KIF13A: variants seen among roughly 807,000 people sequenced by gnomAD.
KIF13A encodes the protein kinesin family member 13A, also known as kinesin-like protein KIF13A.
A neutral mutation model predicts 212.2 loss-of-function variants in KIF13A; 79 were observed. The observed-to-expected ratio is 0.37, with a 90% confidence interval of 0.31 to 0.45. The LOEUF is 0.45. Ranked by LOEUF, KIF13A falls within the 20% of genes least tolerant of loss-of-function variation. KIF13A has a pLI of 1.00. For synonymous variants in KIF13A, 789 were observed against 808.6 expected (o/e 0.98, Z 0.41); for missense variants, 1,901 against 2,209.0 (o/e 0.86, Z 2.79).
intron 9 of KIF13A, among the ~76,000 whole-genome samples, chr6:17,848,699 G>C (rs1288749856): frequency 1.3e-5 from 2 of 151,280 alleles, no homozygotes; most frequent in Non-Finnish European, 2.9e-5. Flanking sequence ...CTGAGTAGCT[G>C]GGATTACAGA....
chr6:17,817,335 T>G (rs1279081177), intron 16 of KIF13A, 102 bp from the exon 17 acceptor site: 12 of 960,118 alleles, frequency 1.2e-5, no homozygotes, highest in Non-Finnish European at 1.9e-5. Context: ...GCAAGGAATC[T>G]AGCCAGTCAA....
rs1286075674 is a variant in KIF13A, at chr6:17,849,964, G to C, written c.717+359C>G. Among the ~76,000 whole-genome samples the C allele has an allele frequency of 2.6e-5, 4 of 152,142 alleles. No homozygotes were observed. The highest frequency in any genetic ancestry group is 4.8e-5 in the African/African-American group (2 of 41,412). Reference sequence around the variant, plus strand: ...TATGGTGATGTCATCACACTTGTTAGGGACTTTGCACAAGAAATACAATTA... The same window carrying C: ...TATGGTGATGTCATCACACTTGTTACGGACTTTGCACAAGAAATACAATTA... On this transcript the variant is annotated intron_variant, in intron 8 of 38. Transcript: ENST00000259711. The surrounding 1 kb of genome is among the most constrained non-coding windows in gnomAD (Gnocchi z 5.7).
At chr6:17,959,137 T>TCATATATA (rs1234414990) in intron 2 of KIF13A, among the ~76,000 whole-genome samples, 7 of 152,120 alleles carry the variant, frequency 4.6e-5, no homozygotes, top group Non-Finnish European at 7.4e-5. Context: ...AAAAAATTAC[T>TCATATATA]GTAAGTCATA....
At chr6:17,827,326 G>A (rs1022868519) in intron 14 of KIF13A, among the ~76,000 whole-genome samples, 7 of 151,998 alleles carry the variant, frequency 4.6e-5, no homozygotes, top group Admixed American at 1.3e-4. Flanking sequence ...TGAACTCCTG[G>A]ACTCAGGCAA....
rs1297579035 is a variant in KIF13A at position 17,871,341 on chromosome 6, TTTTCTC to T, written c.220+2030_220+2035del. 7.2e-5 allele frequency among the ~76,000 whole-genome samples: 11 copies of T among 152,176 alleles called. No individual in the cohort carries two copies. The highest frequency in any genetic ancestry group is 1.6e-4 in the Non-Finnish European group (11 of 68,030). ...TTTTCTCTCTTTAAAATCTGGTGCC[TTTTCTC>T]TTTCTCTTTAAAATCTGGTGCCTTT... On this transcript the variant is annotated intron_variant, in intron 4 of 38. Transcript: ENST00000259711. This position sits in a 1 kb window ranked among gnomAD's most constrained non-coding sequence, Gnocchi z 4.4.
chr6:17,951,437 TAAAAA>T lies in KIF13A; in HGVS notation c.146+35612_146+35616del. On this transcript the variant is annotated intron_variant, in intron 2 of 38. Coordinates refer to ENST00000259711, the MANE Select transcript of KIF13A (RefSeq NM_022113.6). The surrounding 1 kb of genome is among the most constrained non-coding windows in gnomAD (Gnocchi z 4.9). ...TGAGCCACTGTGACCAGCCTCAATT[TAAAAA>T]AAAAAAAAAAACAGCTTTAAGATAT... 8.4e-6 allele frequency: 4 copies of T among 477,452 alleles called. No individual in the cohort carries two copies. The highest frequency in any genetic ancestry group is 3.5e-5 in the East Asian group (1 of 28,746). 29.6% of individuals were successfully genotyped at this position (477,452 alleles called of 1,614,324 possible). A position where few individuals can be genotyped will look rare whatever the true frequency, so the allele number is the denominator to read the frequency against.
intron 2 of KIF13A, 122 bp downstream of exon 2, chr6:17,986,932 C>A (rs947072582): frequency 1.6e-6 from 1 of 643,456 alleles, no homozygotes; most frequent in Non-Finnish European, 2.8e-6. Flanking sequence ...AAACAGGAGC[C>A]GGCGACAAAC....
intron 17 of KIF13A, among the ~76,000 whole-genome samples, chr6:17,813,626 A>G (rs537973601): frequency 1.2e-4 from 18 of 152,316 alleles, no homozygotes; most frequent in African/African-American, 4.3e-4. Flanking sequence ...GACTGTTGCG[A>G]GCCTTGCGCT....
In KIF13A at chr6:17,940,821, T is replaced by TA. The variant is rs1255268591; in HGVS notation, c.147-42642_147-42641insT. Among the ~76,000 whole-genome samples the TA allele has an allele frequency of 2.2e-3, 322 of 148,312 alleles. 2 individuals carry two copies. The highest frequency in any genetic ancestry group is 7.8e-3 in the African/African-American group (308 of 39,390). On this transcript the variant is annotated intron_variant, in intron 2 of 38. Coordinates refer to ENST00000259711, the MANE Select transcript of KIF13A (RefSeq NM_022113.6). ...GGACTTAACACATGTAAATTTATTT[T>TA]TTTTTTTTTTTTTTTTTTTTTTGAG...
In KIF13A at chr6:17,791,369, C is replaced by CTTT. The variant is rs757391141; in HGVS notation, c.3223-1462_3223-1460dup. 4.2e-3 allele frequency among the ~76,000 whole-genome samples: 576 copies of CTTT among 135,748 alleles called. 4 individuals carry two copies. Among genetic ancestry groups the CTTT allele is most frequent in the African/African-American group, 0.014 (527 of 37,198 alleles). 89.1% of individuals were successfully genotyped at this position (135,748 alleles called of 152,430 possible). A position where few individuals can be genotyped will look rare whatever the true frequency, so the allele number is the denominator to read the frequency against. On this transcript the variant is annotated intron_variant, in intron 25 of 38. Coordinates refer to ENST00000259711, the MANE Select transcript of KIF13A (RefSeq NM_022113.6). ...TTTCAGCTACTGCATGAGAATAATTCTTTTTTTTTTTTTTGCATCAGAATA... is the reference window on the plus strand; with the variant it reads ...TTTCAGCTACTGCATGAGAATAATTCTTTTTTTTTTTTTTTTTGCATCAGAATA...
At chr6:17,952,577 C>T (rs1177855943) in intron 2 of KIF13A, among the ~76,000 whole-genome samples, 1 of 151,834 alleles carries the variant, frequency 6.6e-6, no homozygotes, top group Admixed American at 6.6e-5. Flanking sequence ...TTTGAGGCTA[C>T]AGTGAGCTAT....
chr6:17,894,101 G>A (rs749229985), intron 3 of KIF13A, among the ~76,000 whole-genome samples: 1 of 149,638 alleles, frequency 6.7e-6, no homozygotes, highest in East Asian at 2.0e-4. Flanking sequence ...GCTTCCCAAA[G>A]TGCTGGGATT....
intron 3 of KIF13A, among the ~76,000 whole-genome samples, chr6:17,874,578 A>G (rs1770331774): frequency 6.6e-6 from 1 of 152,058 alleles, no homozygotes; most frequent in Non-Finnish European, 1.5e-5. Flanking sequence ...CTGGGACTAC[A>G]GGTGCTCGCC....
At chr6:17,902,840 A>G (rs1323818752) in intron 2 of KIF13A, among the ~76,000 whole-genome samples, 2 of 152,228 alleles carry the variant, frequency 1.3e-5, no homozygotes, top group Non-Finnish European at 2.9e-5. Context: ...AGGCCAGGTC[A>G]CGTGGTATAT....
chr6:17,881,716 G>A (rs918095671), intron 3 of KIF13A: 4 of 328,466 alleles, frequency 1.2e-5, no homozygotes, highest in Non-Finnish European at 2.4e-5. Flanking sequence ...AGCAGCAATG[G>A]CCAGGCACAG....
intron 4 of KIF13A, among the ~76,000 whole-genome samples, chr6:17,861,206 T>A (rs1464742911): frequency 6.6e-6 from 1 of 151,886 alleles, no homozygotes; most frequent in Non-Finnish European, 1.5e-5. Flanking sequence ...TCTGAAAAAA[T>A]TTTTCATTCT....
intron 2 of KIF13A, among the ~76,000 whole-genome samples, chr6:17,907,690 T>C (rs763292541): frequency 2.6e-5 from 4 of 151,928 alleles, no homozygotes; most frequent in Non-Finnish European, 5.9e-5. Flanking sequence ...GATGCAGATG[T>C]GTTGGGAGCA....
chr6:17,791,985 T>C lies in KIF13A; in HGVS notation c.3223-2075A>G, dbSNP rs1213048435. ...TTGGGAGGTCGAGGTGGGTGGATCATGAGGTCAGGAGTTCAAGGCCAGCCT... is the reference window on the plus strand; with the variant it reads ...TTGGGAGGTCGAGGTGGGTGGATCACGAGGTCAGGAGTTCAAGGCCAGCCT... On this transcript the variant is annotated intron_variant, in intron 25 of 38. Transcript: ENST00000259711. Among the ~76,000 whole-genome samples the C allele has an allele frequency of 4.0e-5, 6 of 150,128 alleles. No homozygotes were observed. The East Asian group carries it at 9.9e-4, about 25-fold the overall frequency.
intron 2 of KIF13A, among the ~76,000 whole-genome samples, chr6:17,975,342 C>T (rs1780262965): frequency 6.6e-6 from 1 of 151,840 alleles, no homozygotes; most frequent in Admixed American, 6.6e-5. Flanking sequence ...GTCTCACTAA[C>T]TTCAAGAATG....
Sources: allele counts gnomAD v4.1 joint callset (sites outside exome capture counted in the v4.1 genomes callset), GRCh38; gene constraint gnomAD v4.1.1; non-coding constraint Gnocchi (gnomAD v3.1); transcripts MANE v1.5; gene names NCBI Gene and HGNC (gene_info 2026-07-23, HGNC 2026-07-21).